DYM: variants seen among roughly 807,000 people sequenced by gnomAD.
The protein encoded by DYM is dyggve-Melchior-Clausen syndrome protein.
In DYM, 78 loss-of-function variants were observed where a neutral mutation model predicts 93.1. That is an observed-to-expected ratio of 0.84 (90% CI 0.70 to 1.01). The LOEUF (loss-of-function observed/expected upper bound fraction) is 1.01, where lower values mean the gene tolerates loss of function less well. Ranked by LOEUF, DYM falls within the 50% of genes least tolerant of loss-of-function variation. DYM has a pLI of 0.00. For synonymous variants in DYM, 321 were observed against 319.7 expected (o/e 1.00, Z -0.04); for missense variants, 789 against 845.0 (o/e 0.93, Z 0.82).
chr18:49,235,196 T>TA (rs1344827966), intron 13 of DYM, among the ~76,000 whole-genome samples: 1 of 152,242 alleles, frequency 6.6e-6, no homozygotes, highest in East Asian at 1.9e-4. Flanking sequence ...AGTAACTTGT[T>TA]ACAGCAGCAA....
At chr18:49,049,908 C>T (rs1305943415) in intron 17 of DYM, 1 of 154,308 alleles carries the variant, frequency 6.5e-6, no homozygotes, top group African/African-American at 2.4e-5. Flanking sequence ...CTTAAAGGCA[C>T]TGAGCTCATC....
In DYM at chr18:49,362,026, A is replaced by ATT. The variant is rs71165388; in HGVS notation, c.494+1133_494+1134dup. 2.8e-3 allele frequency among the ~76,000 whole-genome samples: 400 copies of ATT among 143,818 alleles called. 1 individual carries two copies. Among genetic ancestry groups the ATT allele is most frequent in the Middle Eastern group, 3.7e-3 (1 of 270 alleles). 94.4% of individuals were successfully genotyped at this position (143,818 alleles called of 152,430 possible). A position where few individuals can be genotyped will look rare whatever the true frequency, so the allele number is the denominator to read the frequency against. On this transcript the variant is annotated intron_variant, in intron 6 of 17. Transcript: ENST00000675505. ...GGCATAAGCCACTGCATCCGGCCTA[A>ATT]TTTTTTTTTTTTTTTTTTAAGTAGA...
intron 10 of DYM, among the ~76,000 whole-genome samples, chr18:49,278,168 A>G (rs543379991): frequency 7.2e-5 from 11 of 152,232 alleles, no homozygotes; most frequent in Non-Finnish European, 1.5e-4. Flanking sequence ...AACAAGATAT[A>G]AAGATCCTAT....
At chr18:49,126,670 T>C (rs1410071929) in intron 15 of DYM, among the ~76,000 whole-genome samples, 1 of 150,246 alleles carries the variant, frequency 6.7e-6, no homozygotes, top group Non-Finnish European at 1.5e-5. Context: ...TTTTTTTTCA[T>C]AAATTTTAAA....
At chr18:49,402,712 C>A (rs1156447307) in intron 2 of DYM, among the ~76,000 whole-genome samples, 1 of 152,164 alleles carries the variant, frequency 6.6e-6, no homozygotes, top group African/African-American at 2.4e-5. Context: ...GATTCATAGG[C>A]GGATCATGTT....
intron 15 of DYM, among the ~76,000 whole-genome samples, chr18:49,129,744 C>A (rs1293100631): frequency 1.3e-5 from 2 of 152,134 alleles, no homozygotes; most frequent in East Asian, 3.9e-4. Context: ...GAGGTGATAA[C>A]TGCTGCTGGG....
chr18:49,372,606 A>G lies in DYM; in HGVS notation c.421+5961T>C, dbSNP rs529429062. On this transcript the variant is annotated intron_variant, in intron 5 of 17. Coordinates refer to ENST00000675505, the MANE Select transcript of DYM (RefSeq NM_001353214.3). ...AAAAAAATACAAAAATTAGCCAGGC[A>G]TGGTGGCAGGCACCTGTAATCCCAG... Among the ~76,000 whole-genome samples, 54 of 152,254 alleles carry G rather than the reference A, an allele frequency of 3.5e-4. No homozygotes were observed. The East Asian group carries it at 9.9e-3, about 28-fold the overall frequency.
chr18:49,318,801 T>C (rs1272956752), intron 8 of DYM, among the ~76,000 whole-genome samples: 4 of 133,688 alleles, frequency 3.0e-5, no homozygotes, highest in African/African-American at 1.2e-4. Flanking sequence ...CTTTTTCTTT[T>C]TTTTTTTTTT....
intron 14 of DYM, among the ~76,000 whole-genome samples, chr18:49,183,877 A>T (rs899912453): frequency 1.3e-5 from 2 of 152,172 alleles, no homozygotes; most frequent in African/African-American, 4.8e-5. Flanking sequence ...GTGTCTCCAT[A>T]CAAAGAGACA....
intron 1 of DYM, among the ~76,000 whole-genome samples, chr18:49,441,817 AG>A (rs370822371): frequency 6.6e-6 from 1 of 152,196 alleles, no homozygotes; most frequent in East Asian, 1.9e-4. Context: ...AGACGGGGCA[AG>A]GTGCAGGACT....
intron 13 of DYM, among the ~76,000 whole-genome samples, chr18:49,256,472 C>T (rs2145126018): frequency 1.3e-5 from 2 of 152,338 alleles, no homozygotes; most frequent in South Asian, 4.1e-4. Context: ...TTCTCCTTTA[C>T]AGCCTCCAGA....
rs1468470135 is a variant in DYM at position 49,340,200 on chromosome 18, C to T, written c.495-6347G>A. Among the ~76,000 whole-genome samples, 4 of 152,118 alleles carry T rather than the reference C, an allele frequency of 2.6e-5. No individual in the cohort carries two copies. In the East Asian group the frequency reaches 7.7e-4, roughly 29 times the overall value. ...ATCTCCTGATCTCGTGATCCGCCCG[C>T]CTCGGCCTACCAAAGTGCTGGGATT... On this transcript the variant is annotated intron_variant, in intron 6 of 17. Coordinates refer to ENST00000675505, the MANE Select transcript of DYM (RefSeq NM_001353214.3).
intron 6 of DYM, among the ~76,000 whole-genome samples, chr18:49,338,991 A>G (rs2063873561): frequency 6.6e-6 from 1 of 152,226 alleles, no homozygotes; most frequent in Non-Finnish European, 1.5e-5. Flanking sequence ...ACACGAAACT[A>G]ATATCAAGGC....
intron 2 of DYM, among the ~76,000 whole-genome samples, chr18:49,413,388 C>G (rs1404210112): frequency 6.6e-6 from 1 of 152,170 alleles, no homozygotes; most frequent in Non-Finnish European, 1.5e-5. Context: ...AAACAGTGAG[C>G]TCAATAAATA....
chr18:49,258,956 G>A (rs2094446630), intron 11 of DYM, among the ~76,000 whole-genome samples: 1 of 134,218 alleles, frequency 7.5e-6, no homozygotes. Flanking sequence ...CTGCCCCAAA[G>A]AAAGAGGTAA....
intron 13 of DYM, among the ~76,000 whole-genome samples, chr18:49,247,647 CAT>C (rs1406620283): frequency 7.9e-5 from 12 of 152,158 alleles, no homozygotes; most frequent in Non-Finnish European, 1.8e-4. Flanking sequence ...ATCTGATAAA[CAT>C]ATGACATGTT....
chr18:49,296,225 C>T (rs140432956), intron 8 of DYM, among the ~76,000 whole-genome samples: 125 of 152,184 alleles, frequency 8.2e-4, no homozygotes, highest in African/African-American at 2.6e-3. Context: ...CACCCAAAAC[C>T]ATACTATTTC....
chr18:49,145,939 A>G (rs758328687), intron 15 of DYM, among the ~76,000 whole-genome samples: 36 of 151,846 alleles, frequency 2.4e-4, no homozygotes, highest in Non-Finnish European at 4.1e-4. Context: ...TATTTGTTCT[A>G]ATAGTTCCCT....
At chr18:49,222,012 C>T (rs1045533856) in intron 13 of DYM, among the ~76,000 whole-genome samples, 1 of 151,060 alleles carries the variant, frequency 6.6e-6, no homozygotes, top group African/African-American at 2.4e-5. Context: ...AAAAAAGAAA[C>T]TAGACAAAGT....
Sources: allele counts gnomAD v4.1 joint callset (sites outside exome capture counted in the v4.1 genomes callset), GRCh38; gene constraint gnomAD v4.1.1; transcripts MANE v1.5; gene names NCBI Gene and HGNC (gene_info 2026-07-23, HGNC 2026-07-21).